Variants in RNF180 observed in about 807,000 individuals in gnomAD.
The protein encoded by RNF180 is ring finger protein 180.
RNF180 carries 38 observed loss-of-function variants against 59.2 expected under a neutral mutation model. The ratio of observed to expected loss-of-function variants is 0.64; its 90% CI spans 0.50 to 0.84. The LOEUF is 0.84. RNF180 is among the 40% of genes least tolerant of loss of function. RNF180 has a pLI of 0.00. For missense variants in RNF180, 705 were observed against 700.9 expected, an observed-to-expected ratio of 1.01 and a Z score of -0.07; for synonymous variants, 262 against 240.3, an observed-to-expected ratio of 1.09 and a Z score of -0.84.
At chr5:64,182,717 G>A (rs1054777401) in intron 1 of RNF180, among the ~76,000 whole-genome samples, 4 of 152,186 alleles carry the variant, frequency 2.6e-5, no homozygotes, top group Non-Finnish European at 4.4e-5. Context: ...AATTGAGTAT[G>A]TCTTGATGCA....
intron 5 of RNF180, among the ~76,000 whole-genome samples, chr5:64,253,838 CA>C (rs1743746870): frequency 6.6e-6 from 1 of 152,040 alleles, no homozygotes; most frequent in African/African-American, 2.4e-5. Context: ...AACTTTTAAA[CA>C]AACCTGATAT....
At chr5:64,173,511 T>C (rs1750054889) in intron 1 of RNF180, among the ~76,000 whole-genome samples, 1 of 152,188 alleles carries the variant, frequency 6.6e-6, no homozygotes, top group Non-Finnish European at 1.5e-5. Context: ...TTGAAATATA[T>C]ACAATATAGT....
At chr5:64,271,519 C>G (rs1254514794) in intron 5 of RNF180, among the ~76,000 whole-genome samples, 1 of 151,918 alleles carries the variant, frequency 6.6e-6, no homozygotes, top group Non-Finnish European at 1.5e-5. Flanking sequence ...ATCATATATC[C>G]TAGGTGTGTA....
Position 64,212,079 on chromosome 5 carries a change from A to G in RNF180, c.150A>G (p.Ser50=), listed in dbSNP as rs557953854. The G allele has an allele frequency of 6.3e-7, 1 of 1,586,050 alleles. No homozygotes were observed. Among genetic ancestry groups the G allele is most frequent in the Admixed American group, 1.7e-5 (1 of 59,836 alleles). ...TTATTTAACAGGATAAAGATGATTCAGTTGATGCTCAAAATATTTGTCATG... is the reference window on the plus strand; with the variant it reads ...TTATTTAACAGGATAAAGATGATTCGGTTGATGCTCAAAATATTTGTCATG... ...ENQVIKDKDD[S]VDAQNICHVW... The change falls in exon 3 of 8, where the codon TCA becomes TCG. Residue 50 remains serine (S), a synonymous_variant. Transcript: ENST00000389100.
intron 5 of RNF180, among the ~76,000 whole-genome samples, chr5:64,321,184 GA>G (rs199515522): frequency 9.9e-5 from 15 of 150,904 alleles, no homozygotes; most frequent in East Asian, 5.9e-4. Context: ...CAGGCAAGAG[GA>G]AAAAAAAAGG....
chr5:64,180,922 A>C (rs768333878), intron 1 of RNF180, among the ~76,000 whole-genome samples: 31 of 152,176 alleles, frequency 2.0e-4, no homozygotes, highest in Admixed American at 7.9e-4. Flanking sequence ...GGGCAGAACT[A>C]ACAAGTCTGG....
chr5:64,355,419 A>T (rs1445934406), intron 7 of RNF180, among the ~76,000 whole-genome samples: 1 of 151,964 alleles, frequency 6.6e-6, no homozygotes, highest in Non-Finnish European at 1.5e-5. Context: ...ATTAAAGAAG[A>T]TCCAAATAAA....
At chr5:64,337,924 G>A (rs1318223712) in intron 7 of RNF180, among the ~76,000 whole-genome samples, 3 of 152,084 alleles carry the variant, frequency 2.0e-5, no homozygotes, top group African/African-American at 7.2e-5. Flanking sequence ...ATTTGGGTTG[G>A]TTCCAAGTCT....
chr5:64,302,872 C>G (rs1743230152), intron 5 of RNF180, among the ~76,000 whole-genome samples: 3 of 151,606 alleles, frequency 2.0e-5, no homozygotes, highest in African/African-American at 7.3e-5. Context: ...AAGGACATCA[C>G]AGTTATATGC....
chr5:64,369,482 A>G (rs1746580514), intron 7 of RNF180, 133 bp from the exon 8 acceptor site: 3 of 502,776 alleles, frequency 6.0e-6, no homozygotes, highest in Non-Finnish European at 1.0e-5. Flanking sequence ...AAAAAGAAAA[A>G]ACTGTCAGGA....
intron 5 of RNF180, among the ~76,000 whole-genome samples, chr5:64,303,041 C>T (rs1043988044): frequency 1.3e-5 from 2 of 151,564 alleles, no homozygotes; most frequent in Admixed American, 6.6e-5. Context: ...CACATTTTGG[C>T]AATTGTTGCA....
At chr5:64,222,526 C>T (rs572978615) in intron 5 of RNF180, among the ~76,000 whole-genome samples, 67 of 152,266 alleles carry the variant, frequency 4.4e-4, no homozygotes, top group Middle Eastern at 6.8e-3. Flanking sequence ...GCTAAATTCC[C>T]TCAACAGTAA....
At chr5:64,358,645 T>G (rs1193099644) in intron 7 of RNF180, among the ~76,000 whole-genome samples, 1 of 137,620 alleles carries the variant, frequency 7.3e-6, no homozygotes, top group African/African-American at 3.4e-5. Flanking sequence ...AAGAATTCTA[T>G]TTTTTTTTAT....
intron 1 of RNF180, among the ~76,000 whole-genome samples, chr5:64,166,506 A>G (rs1267346969): frequency 6.6e-6 from 1 of 152,142 alleles, no homozygotes; most frequent in East Asian, 1.9e-4. Flanking sequence ...TCTGCTAGGC[A>G]GAGGTCATAA....
chr5:64,190,025 C>T (rs940731372), intron 1 of RNF180, among the ~76,000 whole-genome samples: 2 of 152,184 alleles, frequency 1.3e-5, no homozygotes, highest in Non-Finnish European at 2.9e-5. Context: ...AAGGCTGTTT[C>T]TTCCTCAGTT....
chr5:64,323,320 C>T (rs1384741287), intron 5 of RNF180, among the ~76,000 whole-genome samples: 3 of 152,090 alleles, frequency 2.0e-5, no homozygotes, highest in Non-Finnish European at 4.4e-5. Context: ...GCATGTGGAT[C>T]ACTTGAGCCC....
chr5:64,286,390 T>G (rs1465889817), intron 5 of RNF180, among the ~76,000 whole-genome samples: 1 of 152,194 alleles, frequency 6.6e-6, no homozygotes, highest in Non-Finnish European at 1.5e-5. Context: ...AGATTAAATT[T>G]CTGTGATCAA....
At position 64,319,791 on chromosome 5, in the gene RNF180, TTTA is replaced by T. The variant is rs540363092; in HGVS notation, c.1228-5390_1228-5388del. ...CAAGTTATAGGGATGCCTGCGGCCT[TTTA>T]TTATGAAAACAAACTAGCAGCAGTC... On this transcript the variant is annotated intron_variant, in intron 5 of 7. Transcript: ENST00000389100. Among the ~76,000 whole-genome samples the T allele has an allele frequency of 5.3e-4, 80 of 152,302 alleles. 1 individual carries two copies. Among genetic ancestry groups the T allele is most frequent in the African/African-American group, 1.4e-3 (60 of 41,562 alleles).
At chr5:64,194,664 C>G (rs1387443342) in intron 1 of RNF180, among the ~76,000 whole-genome samples, 1 of 152,156 alleles carries the variant, frequency 6.6e-6, no homozygotes, top group African/African-American at 2.4e-5. Flanking sequence ...TCTCCAGCAC[C>G]TATTGTTTCC....
Sources: allele counts gnomAD v4.1 joint callset (sites outside exome capture counted in the v4.1 genomes callset), GRCh38; gene constraint gnomAD v4.1.1; transcripts MANE v1.5; gene names NCBI Gene and HGNC (gene_info 2026-07-23, HGNC 2026-07-21).